The following KMT2C variants were observed in gnomAD, a reference collection of about 807,000 sequenced individuals.
KMT2C encodes the protein histone-lysine N-methyltransferase 2C.
Under a neutral mutation model 507.9 loss-of-function variants are expected in KMT2C, and 88 were observed. That is an observed-to-expected ratio of 0.17 (90% CI 0.15 to 0.21). KMT2C has a LOEUF of 0.21. KMT2C is among the 10% of genes least tolerant of loss of function. The probability of loss-of-function intolerance (pLI) is 1.00; values close to 1 mark genes in which losing one functional copy is unlikely to be tolerated. For missense variants in KMT2C, 4,954 were observed against 5,957.8 expected (o/e 0.83, Z 5.55); for synonymous variants, 2,049 against 2,080.8 (o/e 0.98, Z 0.42).
At chr7:152,336,771 G>A (rs2096939517) in intron 2 of KMT2C, among the ~76,000 whole-genome samples, 1 of 152,106 alleles carries the variant, frequency 6.6e-6, no homozygotes, top group African/African-American at 2.4e-5. Context: ...ATTCAGTGTG[G>A]TATTTTTCTT....
At chr7:152,358,796 T>C (rs2097173049) in intron 1 of KMT2C, 121 bp from the exon 2 acceptor site, 1 of 627,862 alleles carries the variant, frequency 1.6e-6, no homozygotes, top group African/African-American at 1.8e-5. Context: ...AGGGCATTTT[T>C]CCAGCATTTT....
At chr7:152,206,994 A>T (rs538052512) in intron 24 of KMT2C, among the ~76,000 whole-genome samples, 64 of 152,324 alleles carry the variant, frequency 4.2e-4, no homozygotes, top group African/African-American at 1.3e-3. Context: ...GGAACTATAT[A>T]AATGGCCTTC....
At chr7:152,208,039 C>T (rs1210078017) in intron 23 of KMT2C, among the ~76,000 whole-genome samples, 2 of 152,188 alleles carry the variant, frequency 1.3e-5, no homozygotes, top group Non-Finnish European at 2.9e-5. Flanking sequence ...ACTATTAATA[C>T]AACATGCTCC....
At chr7:152,298,042 A>G (rs1038012970) in intron 6 of KMT2C, among the ~76,000 whole-genome samples, 11 of 152,170 alleles carry the variant, frequency 7.2e-5, no homozygotes, top group Non-Finnish European at 1.6e-4. Flanking sequence ...GCAGATTAGA[A>G]ACTGCAGAAG....
chr7:152,384,900 A>C (rs959809817), intron 1 of KMT2C, among the ~76,000 whole-genome samples: 1 of 152,306 alleles, frequency 6.6e-6, no homozygotes, highest in Non-Finnish European at 1.5e-5. Context: ...CCAGATAATA[A>C]AATGAAGGAG....
At position 152,163,286 on chromosome 7, in the gene KMT2C, T is replaced by C. The variant is rs768882414; in HGVS notation, c.10291A>G (p.Met3431Val). Reference sequence around the variant, plus strand: ...GAGCCCACCATACCATGCTGCTCCATTTCCATCCTCTGCTGCAAAGCTCTT... The same window carrying C: ...GAGCCCACCATACCATGCTGCTCCACTTCCATCCTCTGCTGCAAAGCTCTT... ...RQRALQQRME[M>V]EQHGMVGSEI... The change falls in exon 43 of 59, where the codon ATG becomes GTG. Residue 3431 changes from methionine (M) to valine (V), a missense_variant. Around this residue, in one of 29 missense-constraint regions of KMT2C, gnomAD observed 801 missense variants for 751.2 expected, o/e 1.07. Transcript: ENST00000262189. 10 of 1,614,100 alleles carry C rather than the reference T, an allele frequency of 6.2e-6. No homozygotes were observed. The African/African-American group carries it at 6.7e-5, about 11-fold the overall frequency.
rs139111507 is a variant in KMT2C, at chr7:152,151,453, G to C, written c.12655C>G (p.Leu4219Val). ...GVRKSFKDLT[L>V]LNKDSRESTK... ...GAGTAGCAAAGTACCTTGTTCAAAA[G>C]GGTCAGATCTTTGAAAGATTTCCGC... Residue 4219 changes from leucine (L) to valine (V), a missense_variant, in exon 50 of 59, where the codon CTT (leucine) becomes GTT (valine). By Grantham distance (32) the Leu-to-Val change is conservative. Coordinates refer to ENST00000262189, the MANE Select transcript of KMT2C (RefSeq NM_170606.3). 4.2e-3 allele frequency: 6,699 copies of C among 1,613,964 alleles called. 17 individuals are homozygous for C. Among genetic ancestry groups the C allele is most frequent in the Middle Eastern group, 7.4e-3 (45 of 6,062 alleles).
chr7:152,421,047 AC>A (rs1247150824), intron 1 of KMT2C, among the ~76,000 whole-genome samples: 1 of 151,920 alleles, frequency 6.6e-6, no homozygotes. Context: ...TAAAAAAAAA[AC>A]AAGCAAAAAA....
At chr7:152,190,589 G>A (rs987645922) in intron 31 of KMT2C, among the ~76,000 whole-genome samples, 1 of 151,876 alleles carries the variant, frequency 6.6e-6, no homozygotes, top group African/African-American at 2.4e-5. Context: ...TCAAGAAGTG[G>A]TCTTTTTTTT....
At position 152,182,609 on chromosome 7, in the gene KMT2C, A is replaced by T; in HGVS notation, c.5266-15T>A. The stretch of plus-strand genomic sequence containing the variant: ...TGACGCATTTGCTATTAAAATAGAA[A>T]AGAAAAAGCAATCATATTTAGGTTA... On this transcript the variant is annotated splice_polypyrimidine_tract_variant and intron_variant, in intron 35 of 58. Coordinates refer to ENST00000262189, the MANE Select transcript of KMT2C (RefSeq NM_170606.3). 6.5e-7 allele frequency: 1 copy of T among 1,528,512 alleles called. No homozygotes were observed. Among genetic ancestry groups the T allele is most frequent in the Non-Finnish European group, 8.8e-7 (1 of 1,140,128 alleles). The allele number at this position is 1,528,512 out of a possible 1,614,324, so 94.7% of individuals were successfully genotyped here.
chr7:152,222,948 T>C (rs1407878002), intron 20 of KMT2C, among the ~76,000 whole-genome samples: 2 of 152,168 alleles, frequency 1.3e-5, no homozygotes, highest in Admixed American at 6.5e-5. Context: ...CATCATATAT[T>C]AAATATTTCA....
At position 152,252,695 on chromosome 7, in the gene KMT2C, C is replaced by G. The variant is rs1320493341; in HGVS notation, c.1320G>C (p.Glu440Asp). The stretch of plus-strand genomic sequence containing the variant: ...ACTGAGAACTAGACCGTGTGCCACA[C>G]TCTATACATATTCTGCAATTCTAAA... The part of the protein sequence containing the change: ...WKCKNCRICI[E>D]CGTRSSSQWH... Residue 440 changes from glutamate (E) to aspartate (D), a missense_variant, in exon 10 of 59, where the codon GAG becomes GAC. Around this residue, in one of 29 missense-constraint regions of KMT2C, gnomAD observed 376 missense variants for 352.4 expected, o/e 1.07. Transcript: ENST00000262189. 5.0e-6 allele frequency: 8 copies of G among 1,609,106 alleles called. No homozygotes were observed. Among genetic ancestry groups the G allele is most frequent in the Non-Finnish European group, 6.8e-6 (8 of 1,177,266 alleles).
At chr7:152,227,596 G>C (rs1257585404) in intron 18 of KMT2C, among the ~76,000 whole-genome samples, 8 of 152,216 alleles carry the variant, frequency 5.3e-5, no homozygotes, top group Non-Finnish European at 1.0e-4. Flanking sequence ...ATGCTGCCCA[G>C]GGAGGGAGAA....
At chr7:152,254,724 C>T (rs2095617051) in intron 9 of KMT2C, among the ~76,000 whole-genome samples, 2 of 152,036 alleles carry the variant, frequency 1.3e-5, no homozygotes, top group South Asian at 2.1e-4. Flanking sequence ...GGAGCCAATG[C>T]AAGCATTGAA....
chr7:152,381,713 T>C, intron 1 of KMT2C, among the ~76,000 whole-genome samples: 1 of 152,276 alleles, frequency 6.6e-6, no homozygotes, highest in Non-Finnish European at 1.5e-5. Context: ...TTTTACAATA[T>C]AACTTTTAGG....
chr7:152,333,907 G>A (rs2129214266), intron 2 of KMT2C, among the ~76,000 whole-genome samples: 1 of 152,092 alleles, frequency 6.6e-6, no homozygotes, highest in Non-Finnish European at 1.5e-5. Flanking sequence ...TATCAATCAA[G>A]GTGTCCTGTC....
chr7:152,180,378 A>C (rs2093392679), intron 36 of KMT2C, among the ~76,000 whole-genome samples: 1 of 152,182 alleles, frequency 6.6e-6, no homozygotes, highest in South Asian at 2.1e-4. Flanking sequence ...AATGTTTCAA[A>C]GTTTGATGAA....
At chr7:152,270,464 C>A (rs2095943065) in intron 7 of KMT2C, among the ~76,000 whole-genome samples, 1 of 152,094 alleles carries the variant, frequency 6.6e-6, no homozygotes, top group African/African-American at 2.4e-5. Context: ...CGAATAGAAC[C>A]CAAACTCCTT....
intron 27 of KMT2C, among the ~76,000 whole-genome samples, chr7:152,197,605 C>A (rs1033081101): frequency 1.7e-4 from 26 of 152,060 alleles, no homozygotes; most frequent in African/African-American, 5.8e-4. Context: ...TTTTAGGAGT[C>A]ATATAGCAGT....
Sources: allele counts gnomAD v4.1 joint callset (sites outside exome capture counted in the v4.1 genomes callset), GRCh38; gene constraint gnomAD v4.1.1; regional missense constraint gnomAD v4.1.1; transcripts MANE v1.5; gene names NCBI Gene and HGNC (gene_info 2026-07-23, HGNC 2026-07-21).